The following HABP2 variants were observed in gnomAD, a reference collection of about 807,000 sequenced individuals.
The protein encoded by HABP2 is factor VII-activating protease.
A neutral mutation model predicts 66.5 loss-of-function variants in HABP2; 65 were observed. That is an observed-to-expected ratio of 0.98 (90% CI 0.80 to 1.20). The LOEUF (loss-of-function observed/expected upper bound fraction) is 1.20. HABP2 is among the 50% of genes most tolerant of loss of function. The pLI is 0.00. For synonymous variants in HABP2, 263 were observed against 253.9 expected, an observed-to-expected ratio of 1.04 and a Z score of -0.34; for missense variants, 786 against 691.0, an observed-to-expected ratio of 1.14 and a Z score of -1.54.
rs1180772198 is a variant in HABP2 at position 113,576,020 on chromosome 10, C to T, written c.331+16C>T. The T allele has an allele frequency of 1.6e-6, 2 of 1,253,970 alleles. No individual in the cohort carries two copies. The highest frequency in any genetic ancestry group is 2.9e-5 in the African/African-American group (2 of 68,252). The allele number at this position is 1,253,970 out of a possible 1,614,324, so 77.7% of individuals were successfully genotyped here. On this transcript the variant is annotated intron_variant, in intron 4 of 12. Transcript: ENST00000351270. ...TGTCAGAAAGGTGAGTCCGTCATCA[C>T]TAGTCCACTCTTCCCTCTGAGTTAA... is the stretch of plus-strand genomic sequence containing the variant.
chr10:113,565,351 G>C (rs2133753445), intron 1 of HABP2, among the ~76,000 whole-genome samples: 1 of 152,246 alleles, frequency 6.6e-6, no homozygotes, highest in Admixed American at 6.5e-5. Context: ...GGTTTATTTG[G>C]CTTGGATTTC....
Position 113,576,003 on chromosome 10 carries a change from A to G in HABP2, c.330A>G (p.Lys110=), listed in dbSNP as rs779424090. 6.5e-7 allele frequency: 1 copy of G among 1,538,598 alleles called. No homozygotes were observed. The highest frequency in any genetic ancestry group is 9.0e-7 in the Non-Finnish European group (1 of 1,111,128). The change falls in exon 4 of 13, where the codon AAA becomes AAG. Residue 110 remains lysine (K), a splice_region_variant and synonymous_variant. Transcript: ENST00000351270. ...CTTTCTCTGGGAATAAGTGTCAGAA[A>G]GGTGAGTCCGTCATCACTAGTCCAC... The part of the protein sequence containing the change: ...LAPFSGNKCQ[K]VQNTCKDNPC...
chr10:113,581,251 A>G (rs1381317941), intron 8 of HABP2, among the ~76,000 whole-genome samples: 1 of 152,192 alleles, frequency 6.6e-6, no homozygotes, highest in African/African-American at 2.4e-5. Context: ...ATATACAACT[A>G]TTCTTTGAGA....
chr10:113,571,477 G>T (rs150370756), intron 2 of HABP2, among the ~76,000 whole-genome samples: 7 of 152,010 alleles, frequency 4.6e-5, no homozygotes, highest in African/African-American at 1.4e-4. Flanking sequence ...CTGGCACACC[G>T]TCCTTCCATC....
At chr10:113,569,244 T>A (rs1047923381) in intron 2 of HABP2, among the ~76,000 whole-genome samples, 2 of 152,132 alleles carry the variant, frequency 1.3e-5, no homozygotes, top group African/African-American at 4.8e-5. Flanking sequence ...TCAGACAGTT[T>A]GGTATATAAA....
At chr10:113,559,199 A>T (rs1446650549) in intron 1 of HABP2, among the ~76,000 whole-genome samples, 1 of 152,220 alleles carries the variant, frequency 6.6e-6, no homozygotes, top group Non-Finnish European at 1.5e-5. Context: ...TATCATATGC[A>T]GAATTTTTAC....
At chr10:113,560,698 A>C (rs922649328) in intron 1 of HABP2, among the ~76,000 whole-genome samples, 2 of 152,360 alleles carry the variant, frequency 1.3e-5, no homozygotes, top group Non-Finnish European at 1.5e-5. Flanking sequence ...GTAAAAAGGA[A>C]GGAAAGTTTG....
At chr10:113,566,544 A>C (rs1845201606) in intron 1 of HABP2, among the ~76,000 whole-genome samples, 1 of 152,276 alleles carries the variant, frequency 6.6e-6, no homozygotes, top group African/African-American at 2.4e-5. Flanking sequence ...TGGGTAATAC[A>C]TCAATGACAA....
intron 8 of HABP2, 101 bp from the exon 9 acceptor site, chr10:113,581,775 C>G: frequency 1.7e-6 from 2 of 1,189,932 alleles, no homozygotes; most frequent in Non-Finnish European, 2.5e-6. Flanking sequence ...GCTCTGGACC[C>G]CTGCTCAGCT....
chr10:113,560,374 T>C (rs1390289862), intron 1 of HABP2, among the ~76,000 whole-genome samples: 3 of 152,134 alleles, frequency 2.0e-5, no homozygotes, highest in Non-Finnish European at 2.9e-5. Flanking sequence ...GAATAACAAG[T>C]GTGGGTGAGA....
chr10:113,578,916 C>G, intron 7 of HABP2, 118 bp downstream of exon 7: 2 of 704,978 alleles, frequency 2.8e-6, no homozygotes, highest in Non-Finnish European at 5.0e-6. Flanking sequence ...CAATGTTATG[C>G]TGCTGTAGTA....
At chr10:113,573,768 G>A (rs1480047405) in intron 2 of HABP2, among the ~76,000 whole-genome samples, 2 of 152,160 alleles carry the variant, frequency 1.3e-5, no homozygotes, top group Non-Finnish European at 2.9e-5. Context: ...GCTTGACCAT[G>A]ACCAAAAGAA....
chr10:113,565,423 C>G (rs1380424984), intron 1 of HABP2, among the ~76,000 whole-genome samples: 1 of 152,146 alleles, frequency 6.6e-6, no homozygotes, highest in Non-Finnish European at 1.5e-5. Context: ...GCTGCCTCCA[C>G]TCATGGCAAA....
intron 1 of HABP2, among the ~76,000 whole-genome samples, chr10:113,561,928 T>C (rs1178343025): frequency 6.6e-6 from 1 of 152,166 alleles, no homozygotes; most frequent in Non-Finnish European, 1.5e-5. Context: ...TCAGTAAGAC[T>C]CAGAGACTCG....
In HABP2 at chr10:113,553,187, T is replaced by C. The variant is rs1190475743; in HGVS notation, c.66T>C (p.Cys22=). 1.2e-6 allele frequency: 2 copies of C among 1,606,730 alleles called. No homozygotes were observed. Among genetic ancestry groups the C allele is most frequent in the Non-Finnish European group, 8.5e-7 (1 of 1,173,264 alleles). The change falls in exon 1 of 13, where the codon TGT becomes TGC. Residue 22 remains cysteine (C), a synonymous_variant. Coordinates refer to ENST00000351270, the MANE Select transcript of HABP2 (RefSeq NM_004132.5). ...TGGCTCTGGTGGGAAAGACAGCCTG[T>C]GGGGTAAGTGTTCTTTTCTAATATT... ...LLMALVGKTA[C]GFSLMSLLES...
At chr10:113,582,541 T>A (rs1391631356) in intron 9 of HABP2, among the ~76,000 whole-genome samples, 1 of 152,222 alleles carries the variant, frequency 6.6e-6, no homozygotes, top group Non-Finnish European at 1.5e-5. Flanking sequence ...TCCTTTACCT[T>A]GCCTGAAGTT....
chr10:113,553,415 C>T (rs988893670), intron 1 of HABP2, among the ~76,000 whole-genome samples: 3 of 152,260 alleles, frequency 2.0e-5, no homozygotes, highest in African/African-American at 4.8e-5. Context: ...GCGGAGCCTC[C>T]ATGAATGCAT....
intron 6 of HABP2, 150 bp from the exon 7 acceptor site, chr10:113,578,477 A>C: frequency 3.1e-6 from 2 of 642,444 alleles, no homozygotes; most frequent in Non-Finnish European, 5.5e-6. Context: ...GGGACATTCA[A>C]CACTTTTTTT....
At position 113,588,503 on chromosome 10, in the gene HABP2, A is replaced by G; in HGVS notation, c.*134A>G. 1.6e-6 allele frequency: 1 copy of G among 629,244 alleles called. No individual in the cohort carries two copies. The highest frequency in any genetic ancestry group is 2.8e-5 in the East Asian group (1 of 35,772). The allele number at this position is 629,244 out of a possible 1,614,324, so 39.0% of individuals were successfully genotyped here. On this transcript the variant is annotated 3_prime_UTR_variant, in exon 13 of 13. Transcript: ENST00000351270. ...ACTATCCCTACTCTAAGCAGAGACAACTGCCACCCAGCCTGGGCCTTCCCA... is the reference window on the plus strand; with the variant it reads ...ACTATCCCTACTCTAAGCAGAGACAGCTGCCACCCAGCCTGGGCCTTCCCA...
Sources: allele counts gnomAD v4.1 joint callset (sites outside exome capture counted in the v4.1 genomes callset), GRCh38; gene constraint gnomAD v4.1.1; transcripts MANE v1.5; gene names NCBI Gene and HGNC (gene_info 2026-07-23, HGNC 2026-07-21).